The following ABI3BP variants were observed in gnomAD, a reference collection of about 807,000 sequenced individuals.
The protein encoded by ABI3BP is ABI family member 3 binding protein.
In ABI3BP, 216 loss-of-function variants were observed where a neutral mutation model predicts 268.6. The ratio of observed to expected loss-of-function variants is 0.80; its 90% confidence interval spans 0.72 to 0.90. The LOEUF is 0.90. Among genes scored for constraint, ABI3BP ranks in the 40% least tolerant of loss-of-function variants. The probability of loss-of-function intolerance (pLI) is 0.00; values close to 1 mark genes in which losing one functional copy is unlikely to be tolerated. For synonymous variants in ABI3BP, 730 were observed against 730.0 expected (o/e 1.00, Z 0.00); for missense variants, 2,090 against 2,182.4 (o/e 0.96, Z 0.84).
intron 10 of ABI3BP, among the ~76,000 whole-genome samples, chr3:100,866,210 C>T (rs912363944): frequency 3.9e-5 from 6 of 152,154 alleles, no homozygotes; most frequent in African/African-American, 1.2e-4. Flanking sequence ...TGCCAGATGT[C>T]TGTTTCATCA....
intron 18 of ABI3BP, among the ~76,000 whole-genome samples, chr3:100,847,917 T>C (rs934804591): frequency 6.6e-6 from 1 of 152,192 alleles, no homozygotes; most frequent in African/African-American, 2.4e-5. Context: ...AGTATATTGT[T>C]TGACAATGAA....
chr3:100,807,727 C>T (rs2097753902), intron 50 of ABI3BP, among the ~76,000 whole-genome samples: 1 of 151,988 alleles, frequency 6.6e-6, no homozygotes, highest in African/African-American at 2.4e-5. Context: ...GGTCGCGAAG[C>T]TTCCTTTGCC....
At chr3:100,780,080 C>T in intron 58 of ABI3BP, 52 bp downstream of exon 58, 2 of 1,567,822 alleles carry the variant, frequency 1.3e-6, no homozygotes, top group South Asian at 1.1e-5. Context: ...CTGCAGTTAC[C>T]ATCCAAGTTT....
intron 1 of ABI3BP, among the ~76,000 whole-genome samples, chr3:100,929,924 G>A (rs534495933): frequency 7.2e-5 from 11 of 151,992 alleles, no homozygotes; most frequent in South Asian, 6.2e-4. Flanking sequence ...TCCTTTGAAC[G>A]AATGTTTAGA....
At chr3:100,843,573 G>A (rs2098734380) in intron 20 of ABI3BP, 2 of 981,220 alleles carry the variant, frequency 2.0e-6, no homozygotes, top group African/African-American at 1.8e-5. Flanking sequence ...GAGAGGGAAG[G>A]GGAGAAGAAA....
intron 7 of ABI3BP, among the ~76,000 whole-genome samples, 182 bp from the exon 8 acceptor site, chr3:100,875,761 C>A (rs1187849265): frequency 6.6e-6 from 1 of 152,164 alleles, no homozygotes; most frequent in African/African-American, 2.4e-5. Context: ...ACCTTAACAC[C>A]TATGCCCTTA....
chr3:100,851,811 AG>A, intron 15 of ABI3BP, 63 bp downstream of exon 15: 1 of 1,392,418 alleles, frequency 7.2e-7, no homozygotes. Flanking sequence ...CAAAAACTAA[AG>A]GAAGAACCAC....
At chr3:100,780,030 G>A (rs2096823604) in intron 58 of ABI3BP, 102 bp downstream of exon 58, 1 of 973,796 alleles carries the variant, frequency 1.0e-6, no homozygotes, top group Non-Finnish European at 1.6e-6. Context: ...ATACTTCGGG[G>A]GCTGTGTGGA....
chr3:100,750,252 G>T lies in ABI3BP; in HGVS notation c.*243C>A. 2.8e-6 allele frequency: 1 copy of T among 356,446 alleles called. No individual in the cohort carries two copies. Among genetic ancestry groups the T allele is most frequent in the Non-Finnish European group, 5.0e-6 (1 of 198,552 alleles). The allele number at this position is 356,446 out of a possible 1,614,324, so 22.1% of individuals were successfully genotyped here. A position where few individuals can be genotyped will look rare whatever the true frequency, so the allele number is the denominator to read the frequency against. The stretch of plus-strand genomic sequence containing the variant: ...ATGATCTCTTAAAATACCATGAATA[G>T]GGAGCCAGCTTCCCCAAAAATGTTA... On this transcript the variant is annotated 3_prime_UTR_variant, in exon 68 of 68. Coordinates refer to ENST00000471714, the MANE Select transcript of ABI3BP (RefSeq NM_001375547.2).
At chr3:100,863,666 A>G (rs1213212392) in intron 12 of ABI3BP, 2 of 212,630 alleles carry the variant, frequency 9.4e-6, no homozygotes. Flanking sequence ...TATAAGAAGC[A>G]GTCTGCAGAA....
chr3:100,781,748 C>T lies in ABI3BP; in HGVS notation c.4163-1539G>A, dbSNP rs572750007. Among the ~76,000 whole-genome samples, 11 of 152,238 alleles carry T rather than the reference C, an allele frequency of 7.2e-5. No individual in the cohort carries two copies. In the South Asian group the frequency reaches 2.3e-3, roughly 32 times the overall value. On this transcript the variant is annotated intron_variant, in intron 57 of 67. Transcript: ENST00000471714. ...TAGACCCTTCTTTACAGCCCTTTTC[C>T]AAATCTTCCTGCCCTTGAAAAACAA...
intron 14 of ABI3BP, among the ~76,000 whole-genome samples, chr3:100,860,338 CAA>C (rs907008001): frequency 5.3e-5 from 8 of 152,138 alleles, no homozygotes; most frequent in African/African-American, 1.9e-4. Context: ...CAGTTTTTGA[CAA>C]GTCTCAATTC....
At chr3:100,755,767 G>T (rs2149349912) in intron 63 of ABI3BP, among the ~76,000 whole-genome samples, 1 of 152,326 alleles carries the variant, frequency 6.6e-6, no homozygotes, top group East Asian at 1.9e-4. Flanking sequence ...ACTTGGCAGT[G>T]AAAGAACATT....
intron 1 of ABI3BP, among the ~76,000 whole-genome samples, chr3:100,954,960 T>C (rs1334024820): frequency 6.7e-6 from 1 of 149,476 alleles, no homozygotes; most frequent in African/African-American, 2.5e-5. Flanking sequence ...ATCCCTTTAA[T>C]GTTTTAAATT....
chr3:100,976,961 T>C (rs539946968), intron 1 of ABI3BP, among the ~76,000 whole-genome samples: 1 of 152,364 alleles, frequency 6.6e-6, no homozygotes, highest in South Asian at 2.1e-4. Context: ...TGTGGTCCTT[T>C]AGCTGCTCTA....
chr3:100,875,480 C>T (rs1174493459), intron 8 of ABI3BP, 28 bp downstream of exon 8: 2 of 1,495,600 alleles, frequency 1.3e-6, no homozygotes, highest in African/African-American at 3.2e-5. Context: ...TTTGCTTAAT[C>T]TCGGCATAGA....
At position 100,770,826 on chromosome 3, in the gene ABI3BP, G is replaced by A; in HGVS notation, c.4658C>T (p.Thr1553Ile). Residue 1553 changes from threonine to isoleucine, a missense_variant, in exon 62 of 68, where the codon ACC (threonine) becomes ATC (isoleucine). Thr to Ile is a moderately conservative substitution (Grantham distance 89, BLOSUM62 -1). Coordinates refer to ENST00000471714, the MANE Select transcript of ABI3BP (RefSeq NM_001375547.2). ...TTCCACGGTGACCACAGTGAGGTTG[G>A]TGGGTGGGTTCTGTGGTGGGCTGGT... is the stretch of plus-strand genomic sequence containing the variant. ...NATSPPQNPPTNLTVVTVEGC... is the reference protein window; with the variant it reads ...NATSPPQNPPINLTVVTVEGC... 6.2e-7 allele frequency: 1 copy of A among 1,600,278 alleles called. No individual in the cohort carries two copies. Among genetic ancestry groups the A allele is most frequent in the Non-Finnish European group, 8.5e-7 (1 of 1,173,582 alleles).
intron 4 of ABI3BP, among the ~76,000 whole-genome samples, chr3:100,894,938 CAAAAAAAAAAAAAAAAAAA>C (rs58342344): frequency 2.7e-5 from 1 of 37,732 alleles, no homozygotes; most frequent in Admixed American, 4.0e-4. Context: ...GATTCCGCTT[CAAAAAAAAAAAAAAAAAAA>C]AAAAAAAAAA....
chr3:100,991,948 G>T (rs2093005437), intron 1 of ABI3BP, among the ~76,000 whole-genome samples: 1 of 152,036 alleles, frequency 6.6e-6, no homozygotes, highest in Non-Finnish European at 1.5e-5. Flanking sequence ...TCTTCTGTAG[G>T]TATTAAGACT....
Sources: allele counts gnomAD v4.1 joint callset (sites outside exome capture counted in the v4.1 genomes callset), GRCh38; gene constraint gnomAD v4.1.1; transcripts MANE v1.5; gene names NCBI Gene and HGNC (gene_info 2026-07-23, HGNC 2026-07-21).